The following CHGA variants were observed in gnomAD, a reference collection of about 807,000 sequenced individuals.
The protein encoded by CHGA is chromogranin-A.
CHGA carries 41 observed loss-of-function variants against 54.4 expected under a neutral mutation model. That is an observed-to-expected ratio of 0.75 (90% CI 0.59 to 0.98). The LOEUF is 0.98. Ranked by LOEUF, CHGA falls within the 50% of genes least tolerant of loss-of-function variation. The pLI is 0.00. For missense variants in CHGA, 576 were observed against 582.3 expected, an observed-to-expected ratio of 0.99 and a Z score of 0.11; for synonymous variants, 249 against 232.8, an observed-to-expected ratio of 1.07 and a Z score of -0.63.
At chr14:92,930,454 G>A (rs890453814) in intron 5 of CHGA, among the ~76,000 whole-genome samples, 1 of 152,222 alleles carries the variant, frequency 6.6e-6, no homozygotes, top group Non-Finnish European at 1.5e-5. Context: ...ATCTGGGGCT[G>A]AAAGGGAAAG....
Position 92,931,450 on chromosome 14 carries a change from C to T in CHGA, c.556C>T (p.Pro186Ser), listed in dbSNP as rs1886993738. The T allele has an allele frequency of 5.6e-6, 9 of 1,609,018 alleles. No homozygotes were observed. The East Asian group carries it at 2.0e-4, about 36-fold the overall frequency. ...EEEEATNTHP[P>S]ASLPSQKYPG... ...GGAGGAGGCCACCAACACCCACCCT[C>T]CAGCCAGCCTCCCCAGCCAGAAATA... Residue 186 changes from proline to serine, a missense_variant, in exon 6 of 8, where the codon CCA (proline) becomes TCA (serine). Coordinates refer to ENST00000216492, the MANE Select transcript of CHGA (RefSeq NM_001275.4).
chr14:92,931,599 G>GGAGGCT lies in CHGA; in HGVS notation c.713_718dup (p.Glu238_Ala239dup). On this transcript the variant is annotated inframe_insertion, in exon 6 of 8. Coordinates refer to ENST00000216492, the MANE Select transcript of CHGA (RefSeq NM_001275.4). Reference sequence around the variant, plus strand: ...GAGAAGAGGAGGAGGAGGAGGAGGAGGAGGCTGAGGCTGGAGAGGAGGCTG... The same window carrying GGAGGCT: ...GAGAAGAGGAGGAGGAGGAGGAGGAGGAGGCTGAGGCTGAGGCTGGAGAGGAGGCTG... The GGAGGCT allele has an allele frequency of 6.2e-7, 1 of 1,613,502 alleles. No homozygotes were observed. Among genetic ancestry groups the GGAGGCT allele is most frequent in the Non-Finnish European group, 8.5e-7 (1 of 1,179,872 alleles).
intron 4 of CHGA, 56 bp from the exon 5 acceptor site, chr14:92,929,661 G>A (rs936441946): frequency 2.0e-6 from 3 of 1,522,366 alleles, no homozygotes; most frequent in Admixed American, 3.3e-5. Flanking sequence ...CACTCTTATA[G>A]ACAAATATGC....
Position 92,923,273 on chromosome 14 carries a change from C to T in CHGA, c.-87C>T, listed in dbSNP as rs902434407. 2.5e-5 allele frequency: 30 copies of T among 1,196,794 alleles called. No homozygotes were observed. The highest frequency in any genetic ancestry group is 3.1e-5 in the Non-Finnish European group (30 of 957,080). The allele number at this position is 1,196,794 out of a possible 1,614,324, so 74.1% of individuals were successfully genotyped here. A position where few individuals can be genotyped will look rare whatever the true frequency, so the allele number is the denominator to read the frequency against. On this transcript the variant is annotated 5_prime_UTR_variant, in exon 1 of 8. Transcript: ENST00000216492. ...GCCCCGCGCCGGTGCCACCGCAGCCCGACCCCGGCCGCCAGTCCAGCCGCC... is the reference window on the plus strand; with the variant it reads ...GCCCCGCGCCGGTGCCACCGCAGCCTGACCCCGGCCGCCAGTCCAGCCGCC...
rs766151622 is a variant in CHGA, at chr14:92,932,691, G to A, written c.1130G>A (p.Arg377Gln). The A allele has an allele frequency of 1.1e-5, 17 of 1,610,336 alleles. No homozygotes were observed. The highest frequency in any genetic ancestry group is 5.3e-5 in the African/African-American group (4 of 74,892). Residue 377 changes from arginine to glutamine, a missense_variant, in exon 7 of 8, where the codon CGG (arginine) becomes CAG (glutamine). Coordinates refer to ENST00000216492, the MANE Select transcript of CHGA (RefSeq NM_001275.4). The surrounding 1 kb of genome is among the most constrained non-coding windows in gnomAD (Gnocchi z 5.3). ...GACAGTTCCATGAAGCTCTCCTTCC[G>A]GGCCCGGGCCTACGGCTTCAGGGGC... Reference protein sequence around the residue: ...NRDSSMKLSFRARAYGFRGPG... With the variant: ...NRDSSMKLSFQARAYGFRGPG...
At chr14:92,931,736 T>C (rs376798314) in intron 6 of CHGA, 34 bp downstream of exon 6, 3 of 1,528,190 alleles carry the variant, frequency 2.0e-6, no homozygotes, top group Non-Finnish European at 2.6e-6. Context: ...AACGAACGTG[T>C]CTGGGAGAGG....
chr14:92,935,102 T>C lies in CHGA; in HGVS notation c.*218T>C, dbSNP rs954619508. 9.8e-6 allele frequency: 5 copies of C among 511,100 alleles called. No individual in the cohort carries two copies. The highest frequency in any genetic ancestry group is 1.7e-5 in the Non-Finnish European group (5 of 294,308). The allele number at this position is 511,100 out of a possible 1,614,324, so 31.7% of individuals were successfully genotyped here. Reference sequence around the variant, plus strand: ...ATCCTTTGCAGGGCAGCCCCACAACTTTAAACATTGACGATTCCTTCTCTG... The same window carrying C: ...ATCCTTTGCAGGGCAGCCCCACAACCTTAAACATTGACGATTCCTTCTCTG... On this transcript the variant is annotated 3_prime_UTR_variant, in exon 8 of 8. Coordinates refer to ENST00000216492, the MANE Select transcript of CHGA (RefSeq NM_001275.4).
At chr14:92,929,476 G>T (rs1220273338) in intron 4 of CHGA, among the ~76,000 whole-genome samples, 2 of 152,214 alleles carry the variant, frequency 1.3e-5, no homozygotes, top group Non-Finnish European at 2.9e-5. Context: ...GCTTGCTCTG[G>T]CCTCCCAGGG....
chr14:92,929,151 G>A (rs1337140648), intron 4 of CHGA, among the ~76,000 whole-genome samples: 2 of 152,260 alleles, frequency 1.3e-5, no homozygotes, highest in African/African-American at 4.8e-5. Flanking sequence ...TCTGGGTCAT[G>A]GCTGCAGGCG....
In CHGA at chr14:92,931,239, T is replaced by C; in HGVS notation, c.356-11T>C. 6.3e-7 allele frequency: 1 copy of C among 1,599,674 alleles called. No individual in the cohort carries two copies. The highest frequency in any genetic ancestry group is 8.5e-7 in the Non-Finnish European group (1 of 1,170,102). On this transcript the variant is annotated splice_polypyrimidine_tract_variant and intron_variant, in intron 5 of 7. Coordinates refer to ENST00000216492, the MANE Select transcript of CHGA (RefSeq NM_001275.4). Reference sequence around the variant, plus strand: ...TCCTCAGGGCCTGACTTGGCTGTGCTGTGTCTGCAGAGGCGGTGGAAGAGC... The same window carrying C: ...TCCTCAGGGCCTGACTTGGCTGTGCCGTGTCTGCAGAGGCGGTGGAAGAGC...
rs149588126 is a variant in CHGA at position 92,931,594 on chromosome 14, G to A, written c.700G>A (p.Glu234Lys). Reference sequence around the variant, plus strand: ...AAAGAGAGAAGAGGAGGAGGAGGAGGAGGAGGAGGCTGAGGCTGGAGAGGA... The same window carrying A: ...AAAGAGAGAAGAGGAGGAGGAGGAGAAGGAGGAGGCTGAGGCTGGAGAGGA... ...QAKREEEEEEEEEAEAGEEAV... is the reference protein window; with the variant it reads ...QAKREEEEEEKEEAEAGEEAV... Residue 234 changes from glutamate (E) to lysine (K), a missense_variant, in exon 6 of 8, where the codon GAG becomes AAG. Transcript: ENST00000216492. 1.3e-4 allele frequency: 203 copies of A among 1,613,512 alleles called. 1 individual carries two copies. The African/African-American group carries it at 2.4e-3, about 19-fold the overall frequency.
In CHGA at chr14:92,926,595, G is replaced by A; in HGVS notation, c.94-10G>A. On this transcript the variant is annotated splice_polypyrimidine_tract_variant and intron_variant, in intron 2 of 7. Coordinates refer to ENST00000216492, the MANE Select transcript of CHGA (RefSeq NM_001275.4). ...ACCAGCCCCAACCTGCCCCTGCACT[G>A]TGTTCCCAGGTGATGAAATGCATCG... 6.2e-7 allele frequency: 1 copy of A among 1,613,648 alleles called. No homozygotes were observed. The highest frequency in any genetic ancestry group is 8.5e-7 in the Non-Finnish European group (1 of 1,179,802).
intron 7 of CHGA, among the ~76,000 whole-genome samples, chr14:92,934,340 C>T (rs1887073679): frequency 6.6e-6 from 1 of 152,200 alleles, no homozygotes; most frequent in Admixed American, 6.5e-5. Flanking sequence ...GGCAGCTCCC[C>T]CAGCATGTAG....
At chr14:92,924,777 T>C (rs1279696631) in intron 2 of CHGA, among the ~76,000 whole-genome samples, 1 of 152,160 alleles carries the variant, frequency 6.6e-6, no homozygotes, top group Non-Finnish European at 1.5e-5. Flanking sequence ...TAGGGGCTAG[T>C]TGTGGAGGTC....
intron 4 of CHGA, 85 bp from the exon 5 acceptor site, chr14:92,929,632 A>G: frequency 1.7e-6 from 2 of 1,179,780 alleles, no homozygotes; most frequent in Non-Finnish European, 2.5e-6. Flanking sequence ...CAGCTTACAG[A>G]TGGGGAAATG....
chr14:92,923,871 G>GTC (rs1320167347), intron 1 of CHGA, among the ~76,000 whole-genome samples: 1 of 152,062 alleles, frequency 6.6e-6, no homozygotes, highest in Non-Finnish European at 1.5e-5. Context: ...CACCTCTGGG[G>GTC]TCTCTCTCCC....
chr14:92,924,285 G>T (rs1315255353), intron 2 of CHGA, 40 bp downstream of exon 2: 10 of 1,594,498 alleles, frequency 6.3e-6, no homozygotes, highest in Non-Finnish European at 8.5e-6. Context: ...GGAGGCTCCA[G>T]TGGACACTTC....
chr14:92,932,666 G>A lies in CHGA; in HGVS notation c.1105G>A (p.Asp369Asn), dbSNP rs2228575. Residue 369 changes from aspartate to asparagine, a missense_variant, in exon 7 of 8, where the codon GAC becomes AAC. Asp to Asn is a conservative substitution (Grantham distance 23). Coordinates refer to ENST00000216492, the MANE Select transcript of CHGA (RefSeq NM_001275.4). This position sits in a 1 kb window ranked among gnomAD's most constrained non-coding sequence, Gnocchi z 5.3. Reference sequence around the variant, plus strand: ...GCAGGAGGAGGAGGAGGACAACCGGGACAGTTCCATGAAGCTCTCCTTCCG... The same window carrying A: ...GCAGGAGGAGGAGGAGGACAACCGGAACAGTTCCATGAAGCTCTCCTTCCG... ...EGQEEEEDNR[D>N]SSMKLSFRAR... The A allele has an allele frequency of 3.0e-3, 4,782 of 1,606,886 alleles. 10 individuals are homozygous for A. The highest frequency in any genetic ancestry group is 3.7e-3 in the Non-Finnish European group (4,335 of 1,178,400).
In CHGA at chr14:92,931,577, A is replaced by T; in HGVS notation, c.683A>T (p.Glu228Val). The T allele has an allele frequency of 6.2e-7, 1 of 1,612,938 alleles. No homozygotes were observed. Among genetic ancestry groups the T allele is most frequent in the Non-Finnish European group, 8.5e-7 (1 of 1,179,826 alleles). Residue 228 changes from glutamate (E) to valine (V), a missense_variant, in exon 6 of 8, where the codon GAA (glutamate) becomes GTA (valine). Physicochemically the swap from Glu to Val is moderately radical, Grantham distance 121. Coordinates refer to ENST00000216492, the MANE Select transcript of CHGA (RefSeq NM_001275.4). Reference protein sequence around the residue: ...SAEPGWQAKREEEEEEEEEAE... With the variant: ...SAEPGWQAKRVEEEEEEEEAE... ...GAGCCAGGGTGGCAGGCAAAGAGAG[A>T]AGAGGAGGAGGAGGAGGAGGAGGAG...
Sources: allele counts gnomAD v4.1 joint callset (sites outside exome capture counted in the v4.1 genomes callset), GRCh38; gene constraint gnomAD v4.1.1; non-coding constraint Gnocchi (gnomAD v3.1); transcripts MANE v1.5; gene names NCBI Gene and HGNC (gene_info 2026-07-23, HGNC 2026-07-21).